Variants in RFX2 observed in about 807,000 individuals in gnomAD.
RFX2 encodes DNA-binding protein RFX2.
A neutral mutation model predicts 87.8 loss-of-function variants in RFX2; 20 were observed. That is an observed-to-expected ratio of 0.23 (90% CI 0.16 to 0.33). The LOEUF (loss-of-function observed/expected upper bound fraction) is 0.33, where lower values mean the gene tolerates loss of function less well. RFX2 is among the 10% of genes least tolerant of loss of function. RFX2 has a pLI of 1.00. For synonymous variants in RFX2, 397 were observed against 431.3 expected, an observed-to-expected ratio of 0.92 and a Z score of 0.98; for missense variants, 767 against 1,012.3, an observed-to-expected ratio of 0.76 and a Z score of 3.29.
At chr19:6,104,521 A>G (rs1487211243) in intron 1 of RFX2, among the ~76,000 whole-genome samples, 5 of 150,956 alleles carry the variant, frequency 3.3e-5, no homozygotes, top group African/African-American at 1.2e-4. Context: ...GTGAGCTGAG[A>G]TGGTGCCACT....
rs73923439 is a variant in RFX2 at position 6,073,423 on chromosome 19, C to T, written c.-8-25919G>A. The T allele has an allele frequency of 1.6e-3, 1,622 of 1,015,542 alleles. 21 individuals carry two copies. The African/African-American group carries it at 0.023, about 14-fold the overall frequency. The allele number at this position is 1,015,542 out of a possible 1,614,324, so 62.9% of individuals were successfully genotyped here. The stretch of plus-strand genomic sequence containing the variant: ...GCAACAAATCTCCCTGTGCTGAGAT[C>T]GCTCACAGTGTTTCCTCCAAGAAAC... On this transcript the variant is annotated intron_variant, in intron 1 of 17. Transcript: ENST00000303657.
rs2086676311 is a variant in RFX2 at position 6,012,726 on chromosome 19, G to A, written c.899+260C>T. On this transcript the variant is annotated intron_variant, in intron 8 of 17. Coordinates refer to ENST00000303657, the MANE Select transcript of RFX2 (RefSeq NM_000635.4). The surrounding 1 kb of genome is among the most constrained non-coding windows in gnomAD (Gnocchi z 4.6). Reference sequence around the variant, plus strand: ...CTCAATTTTGCTGTGAACCTAGAATGGCTCTAAAAAATGAAGTCTGTTAAA... The same window carrying A: ...CTCAATTTTGCTGTGAACCTAGAATAGCTCTAAAAAATGAAGTCTGTTAAA... Among the ~76,000 whole-genome samples the A allele has an allele frequency of 6.6e-6, 1 of 152,060 alleles. No homozygotes were observed. Among genetic ancestry groups the A allele is most frequent in the African/African-American group, 2.4e-5 (1 of 41,396 alleles).
chr19:6,055,099 A>AGT (rs1334259585), intron 1 of RFX2, among the ~76,000 whole-genome samples: 1 of 152,242 alleles, frequency 6.6e-6, no homozygotes, highest in Non-Finnish European at 1.5e-5. Flanking sequence ...GTACATGAAT[A>AGT]GTGGTCAGCC....
intron 16 of RFX2, 141 bp downstream of exon 16, chr19:5,996,919 T>G: frequency 1.2e-6 from 1 of 864,444 alleles, no homozygotes; most frequent in African/African-American, 1.7e-5. Flanking sequence ...CTGTGGCTTG[T>G]TCTTTATCGA....
chr19:6,040,696 T>A lies in RFX2; in HGVS notation c.261-455A>T, dbSNP rs181742621. Among the ~76,000 whole-genome samples the A allele has an allele frequency of 3.0e-4, 46 of 152,178 alleles. 1 individual carries two copies. The East Asian group carries it at 8.1e-3, about 27-fold the overall frequency. On this transcript the variant is annotated intron_variant, in intron 4 of 17. Transcript: ENST00000303657. This position sits in a 1 kb window ranked among gnomAD's most constrained non-coding sequence, Gnocchi z 6.1. Reference sequence around the variant, plus strand: ...ACTGCTTGAGCCCAGGACTTTGAGGTTACAGTGAGCTGTGACTGCACCATT... The same window carrying A: ...ACTGCTTGAGCCCAGGACTTTGAGGATACAGTGAGCTGTGACTGCACCATT...
rs755484549 is a variant in RFX2 at position 6,007,138 on chromosome 19, G to T, written c.1276C>A (p.Pro426Thr). 1.2e-6 allele frequency: 2 copies of T among 1,613,984 alleles called. No homozygotes were observed. The highest frequency in any genetic ancestry group is 1.7e-6 in the Non-Finnish European group (2 of 1,180,032). The change falls in exon 12 of 18, where the codon CCC becomes ACC. Residue 426 changes from proline to threonine, a missense_variant. Physicochemically the swap from Pro to Thr is conservative, Grantham distance 38. Transcript: ENST00000303657. This position sits in a 1 kb window ranked among gnomAD's most constrained non-coding sequence, Gnocchi z 8.2. ...SDEDPEGAVL[P>T]KDKLISLCQC... ...CACAGGGAGATAAGCTTGTCCTTGGGCAGGACGGCGCCCTCGGGGTCTTCG... is the reference window on the plus strand; with the variant it reads ...CACAGGGAGATAAGCTTGTCCTTGGTCAGGACGGCGCCCTCGGGGTCTTCG...
At chr19:6,035,850 G>GGTGTGTGT (rs34008943) in intron 5 of RFX2, among the ~76,000 whole-genome samples, 214 of 137,236 alleles carry the variant, frequency 1.6e-3, no homozygotes, top group African/African-American at 5.3e-3. Flanking sequence ...CTTGGTGGGG[G>GGTGTGTGT]GTGTGTGTGT....
At chr19:6,106,173 G>T (rs1322464431) in intron 1 of RFX2, among the ~76,000 whole-genome samples, 1 of 152,028 alleles carries the variant, frequency 6.6e-6, no homozygotes, top group African/African-American at 2.4e-5. Flanking sequence ...TTTCCAAGAA[G>T]CAAGTAGGTG....
Position 6,110,266 on chromosome 19 carries a change from G to C in RFX2, c.-9+127C>G, listed in dbSNP as rs895831158. ...GGGGTGGCGGAGGCGGGTCCCGCGG[G>C]CGCACCACCCGGACGTTTGGGGTGA... On this transcript the variant is annotated intron_variant, in intron 1 of 17. Coordinates refer to ENST00000303657, the MANE Select transcript of RFX2 (RefSeq NM_000635.4). This position sits in a 1 kb window ranked among gnomAD's most constrained non-coding sequence, Gnocchi z 4.3. The C allele has an allele frequency of 6.6e-6, 1 of 151,540 alleles. No homozygotes were observed. The highest frequency in any genetic ancestry group is 2.4e-5 in the African/African-American group (1 of 41,284). 9.4% of individuals were successfully genotyped at this position (151,540 alleles called of 1,614,324 possible).
chr19:6,092,232 G>A (rs2087946075), intron 1 of RFX2, among the ~76,000 whole-genome samples: 1 of 152,186 alleles, frequency 6.6e-6, no homozygotes, highest in South Asian at 2.1e-4. Context: ...AACTATAACA[G>A]CAAGGAAGAC....
In RFX2 at chr19:6,008,108, C is replaced by T. The variant is rs372942360; in HGVS notation, c.1132G>A (p.Glu378Lys). The part of the protein sequence containing the change: ...ALQLVYRRHC[E>K]ATVDVVMNLQ... ...CCTGCCTGGGCTGGGGCGGTCACCTCGCAGTGCCGTCTGTACACCAGCTGC... is the reference window on the plus strand; with the variant it reads ...CCTGCCTGGGCTGGGGCGGTCACCTTGCAGTGCCGTCTGTACACCAGCTGC... The change falls in exon 10 of 18, where the codon GAG becomes AAG. Residue 378 changes from glutamate (E) to lysine (K), a missense_variant and splice_region_variant. Transcript: ENST00000303657. 5.4e-5 allele frequency: 83 copies of T among 1,549,576 alleles called. No individual in the cohort carries two copies. Among genetic ancestry groups the T allele is most frequent in the Non-Finnish European group, 6.5e-5 (74 of 1,145,754 alleles).
At chr19:6,006,419 G>T (rs1388683719) in intron 12 of RFX2, among the ~76,000 whole-genome samples, 1 of 148,940 alleles carries the variant, frequency 6.7e-6, no homozygotes, top group Non-Finnish European at 1.5e-5. Flanking sequence ...TCAGCCTCCA[G>T]AGTAGCTAGG....
intron 1 of RFX2, chr19:6,057,424 C>T (rs2087361180): frequency 6.6e-6 from 1 of 152,650 alleles, no homozygotes; most frequent in Admixed American, 6.5e-5. Flanking sequence ...CTGGCTGAGC[C>T]GCTGACTCAC....
intron 10 of RFX2, 49 bp downstream of exon 10, chr19:6,008,057 T>G (rs1435901452): frequency 7.2e-7 from 1 of 1,390,510 alleles, no homozygotes; most frequent in Non-Finnish European, 1.0e-6. Context: ...GCGCTGGCGG[T>G]TCCCGGGAGG....
chr19:6,005,500 C>G (rs1362540426), intron 12 of RFX2, among the ~76,000 whole-genome samples: 1 of 152,210 alleles, frequency 6.6e-6, no homozygotes, highest in Non-Finnish European at 1.5e-5. Flanking sequence ...CGGGCCTGGC[C>G]CGAGGGCTCC....
At position 5,994,276 on chromosome 19, in the gene RFX2, C is replaced by T. The variant is rs921385662; in HGVS notation, c.*559G>A. ...AAAGGCCACAGGGCGCTGCGCCCAG[C>T]TGGGTCCCTCCCACATGGTGCTACC... On this transcript the variant is annotated 3_prime_UTR_variant, in exon 18 of 18. Transcript: ENST00000303657. 1.3e-5 allele frequency: 2 copies of T among 152,426 alleles called. No individual in the cohort carries two copies. The highest frequency in any genetic ancestry group is 4.8e-5 in the African/African-American group (2 of 41,474). The allele number at this position is 152,426 out of a possible 1,614,324, so 9.4% of individuals were successfully genotyped here.
Position 6,016,358 on chromosome 19 carries a change from G to T in RFX2, c.598-87C>A. 2.3e-6 allele frequency: 2 copies of T among 871,038 alleles called. No homozygotes were observed. Among genetic ancestry groups the T allele is most frequent in the Non-Finnish European group, 3.4e-6 (2 of 586,828 alleles). The allele number at this position is 871,038 out of a possible 1,614,324, so 54.0% of individuals were successfully genotyped here. A position where few individuals can be genotyped will look rare whatever the true frequency, so the allele number is the denominator to read the frequency against. On this transcript the variant is annotated intron_variant, in intron 6 of 17. Coordinates refer to ENST00000303657, the MANE Select transcript of RFX2 (RefSeq NM_000635.4). The surrounding 1 kb of genome is among the most constrained non-coding windows in gnomAD (Gnocchi z 5.4). ...TGGACTCATTAAGAGAATTACTTGC[G>T]TTCCCTGTGTTACCAAATGGGATGA...
At position 6,022,946 on chromosome 19, in the gene RFX2, G is replaced by C. The variant is rs867033756; in HGVS notation, c.597+3217C>G. 1 of 152,362 alleles carries C rather than the reference G, an allele frequency of 6.6e-6. No homozygotes were observed. Among genetic ancestry groups the C allele is most frequent in the South Asian group, 2.1e-4 (1 of 4,834 alleles). The allele number at this position is 152,362 out of a possible 1,614,324, so 9.4% of individuals were successfully genotyped here. A position where few individuals can be genotyped will look rare whatever the true frequency, so the allele number is the denominator to read the frequency against. On this transcript the variant is annotated intron_variant, in intron 6 of 17. Transcript: ENST00000303657. This position sits in a 1 kb window ranked among gnomAD's most constrained non-coding sequence, Gnocchi z 6.2. The stretch of plus-strand genomic sequence containing the variant: ...TGAGACAGCGCAGAGGAGGGAACCA[G>C]CTCCGCGGAACACGTGGCCAGCTCC...
intron 7 of RFX2, among the ~76,000 whole-genome samples, chr19:6,014,096 A>G (rs972075873): frequency 1.3e-5 from 2 of 152,202 alleles, no homozygotes; most frequent in African/African-American, 2.4e-5. Flanking sequence ...AACAGCTCAC[A>G]GAGTCCTTAC....
Sources: allele counts gnomAD v4.1 joint callset (sites outside exome capture counted in the v4.1 genomes callset), GRCh38; gene constraint gnomAD v4.1.1; non-coding constraint Gnocchi (gnomAD v3.1); transcripts MANE v1.5; gene names NCBI Gene and HGNC (gene_info 2026-07-23, HGNC 2026-07-21).